GRM8: variants seen among roughly 807,000 people sequenced by gnomAD.
GRM8 encodes metabotropic glutamate receptor 8.
A neutral mutation model predicts 87.2 loss-of-function variants in GRM8; 47 were observed. The ratio of observed to expected loss-of-function variants is 0.54; its 90% CI spans 0.43 to 0.69. GRM8 has a LOEUF of 0.69. GRM8 is among the 30% of genes least tolerant of loss of function. The pLI is 0.00. For synonymous variants in GRM8, 396 were observed against 404.5 expected (o/e 0.98, Z 0.25); for missense variants, 1,019 against 1,139.2 (o/e 0.89, Z 1.52).
At chr7:126,710,800 A>T (rs556038055) in intron 7 of GRM8, among the ~76,000 whole-genome samples, 1 of 152,248 alleles carries the variant, frequency 6.6e-6, no homozygotes, top group Admixed American at 6.5e-5. Context: ...AGAATGGTGA[A>T]TTTTTTTCAG....
At chr7:127,024,193 A>G (rs1379541482) in intron 3 of GRM8, among the ~76,000 whole-genome samples, 1 of 152,110 alleles carries the variant, frequency 6.6e-6, no homozygotes, top group Non-Finnish European at 1.5e-5. Flanking sequence ...CACCTCTTCT[A>G]CAGCATTGCT....
intron 2 of GRM8, among the ~76,000 whole-genome samples, chr7:127,194,759 G>A (rs1795196950): frequency 6.6e-6 from 1 of 152,080 alleles, no homozygotes; most frequent in Non-Finnish European, 1.5e-5. Context: ...CAAGACATCA[G>A]AGAAATCAGC....
intron 2 of GRM8, chr7:127,228,226 G>A (rs1028711368): frequency 2.6e-5 from 4 of 152,188 alleles, no homozygotes; most frequent in Non-Finnish European, 5.9e-5. Flanking sequence ...CCTTAGATAA[G>A]CCTCAGTTCC....
intron 8 of GRM8, among the ~76,000 whole-genome samples, chr7:126,573,495 A>G (rs1163731982): frequency 6.6e-6 from 1 of 152,162 alleles, no homozygotes; most frequent in African/African-American, 2.4e-5. Flanking sequence ...CAGAATCTCA[A>G]AAATATACAA....
At chr7:126,638,081 C>A (rs1347618731) in intron 7 of GRM8, among the ~76,000 whole-genome samples, 1 of 151,906 alleles carries the variant, frequency 6.6e-6, no homozygotes, top group Non-Finnish European at 1.5e-5. Flanking sequence ...CATTATATAC[C>A]ACACTTTTCT....
chr7:126,532,025 C>T (rs1342333304), intron 9 of GRM8, among the ~76,000 whole-genome samples: 1 of 152,236 alleles, frequency 6.6e-6, no homozygotes, highest in African/African-American at 2.4e-5. Flanking sequence ...ATACAGCATT[C>T]TCCTCTGTTT....
chr7:126,761,207 T>TAA (rs1277249609), intron 7 of GRM8, among the ~76,000 whole-genome samples: 4 of 140,916 alleles, frequency 2.8e-5, no homozygotes, highest in African/African-American at 1.0e-4. Flanking sequence ...CTTAAAAAAT[T>TAA]AAAAAAAAAA....
chr7:127,197,941 A>T (rs1055662029), intron 2 of GRM8, among the ~76,000 whole-genome samples: 6 of 152,092 alleles, frequency 3.9e-5, no homozygotes, highest in African/African-American at 1.4e-4. Context: ...GCAAACCCCA[A>T]ATCATGTTCA....
rs189656150 is a variant in GRM8 at position 126,782,170 on chromosome 7, G to T, written c.1157-12105C>A. Reference sequence around the variant, plus strand: ...TATTGTTTCTTGAGTCTTTATTTCAGTTGAGAGGTGGGTTTGTATACTGTA... The same window carrying T: ...TATTGTTTCTTGAGTCTTTATTTCATTTGAGAGGTGGGTTTGTATACTGTA... On this transcript the variant is annotated intron_variant, in intron 6 of 10. Transcript: ENST00000339582. Among the ~76,000 whole-genome samples, 235 of 152,270 alleles carry T rather than the reference G, an allele frequency of 1.5e-3. 6 individuals carry two copies. In the South Asian group the frequency reaches 0.037, roughly 24 times the overall value.
At chr7:126,873,679 G>T (rs373194721) in intron 6 of GRM8, among the ~76,000 whole-genome samples, 1 of 152,000 alleles carries the variant, frequency 6.6e-6, no homozygotes, top group African/African-American at 2.4e-5. Context: ...GGGTGAATAA[G>T]CCAAAAATGT....
intron 7 of GRM8, among the ~76,000 whole-genome samples, chr7:126,748,381 T>C (rs1428839103): frequency 1.3e-5 from 2 of 151,962 alleles, no homozygotes; most frequent in Middle Eastern, 3.2e-3. Flanking sequence ...TTTTAAATAA[T>C]TGCACTCACA....
intron 6 of GRM8, among the ~76,000 whole-genome samples, chr7:126,825,108 C>T (rs1794639004): frequency 6.6e-6 from 1 of 152,094 alleles, no homozygotes; most frequent in South Asian, 2.1e-4. Context: ...CATTCTGTTG[C>T]CCAGGCTGGA....
At chr7:126,554,621 A>C (rs1322938020) in intron 8 of GRM8, among the ~76,000 whole-genome samples, 2 of 152,206 alleles carry the variant, frequency 1.3e-5, no homozygotes, top group Admixed American at 6.5e-5. Flanking sequence ...AAGAGTCACA[A>C]GGAAGAAAAG....
chr7:126,935,250 T>A (rs1234071112), intron 3 of GRM8, among the ~76,000 whole-genome samples: 1 of 149,862 alleles, frequency 6.7e-6, no homozygotes, highest in Non-Finnish European at 1.5e-5. Flanking sequence ...TTAGGGTACC[T>A]AGGGCTTTAG....
Position 126,535,692 on chromosome 7 carries a change from C to T in GRM8, c.1495-1805G>A, listed in dbSNP as rs76100536. Among the ~76,000 whole-genome samples the T allele has an allele frequency of 4.5e-4, 68 of 152,300 alleles. 1 individual carries two copies. In the East Asian group the frequency reaches 0.012, roughly 28 times the overall value. On this transcript the variant is annotated intron_variant, in intron 8 of 10. Coordinates refer to ENST00000339582, the MANE Select transcript of GRM8 (RefSeq NM_000845.3). ...CCATGGCAATGGTGGGCATGTCTTA[C>T]GGGAAGCTGCTTCTGTCCTGTCCCT...
chr7:127,001,074 A>T lies in GRM8; in HGVS notation c.728-96391T>A, dbSNP rs1267783279. 2.0e-5 allele frequency among the ~76,000 whole-genome samples: 3 copies of T among 151,708 alleles called. No individual in the cohort carries two copies. In the East Asian group the frequency reaches 5.8e-4, roughly 29 times the overall value. On this transcript the variant is annotated intron_variant, in intron 3 of 10. Transcript: ENST00000339582. ...AGCATAGTATTGGTGTTAACCGTAG[A>T]TGTATTGATCAATAGATGACAGAAT...
chr7:127,135,474 T>C (rs945600850), intron 2 of GRM8, among the ~76,000 whole-genome samples: 10 of 151,960 alleles, frequency 6.6e-5, no homozygotes. Flanking sequence ...TTCCCCACCT[T>C]CCCTCCAGAT....
At chr7:126,625,864 C>T (rs1350428429) in intron 7 of GRM8, among the ~76,000 whole-genome samples, 1 of 151,920 alleles carries the variant, frequency 6.6e-6, no homozygotes, top group African/African-American at 2.4e-5. Context: ...GGTAATATAT[C>T]TTAAAATGAA....
At chr7:126,852,044 C>T (rs1341557886) in intron 6 of GRM8, among the ~76,000 whole-genome samples, 1 of 152,140 alleles carries the variant, frequency 6.6e-6, no homozygotes, top group African/African-American at 2.4e-5. Context: ...GTCTGGCCCA[C>T]ATCTCCACTG....
Sources: gnomAD v4.1 joint callset for allele counts (sites outside exome capture counted in the v4.1 genomes callset) on GRCh38, gnomAD v4.1.1 for gene constraint, MANE v1.5 for transcripts, NCBI Gene and HGNC (gene_info 2026-07-23, HGNC 2026-07-21) for gene names.